The following JAM2 variants were observed in gnomAD, a reference collection of about 807,000 sequenced individuals.
JAM2 encodes the protein junctional adhesion molecule B.
A neutral mutation model predicts 42.0 loss-of-function variants in JAM2; 17 were observed. The observed-to-expected ratio is 0.40, with a 90% CI of 0.28 to 0.61. The LOEUF (loss-of-function observed/expected upper bound fraction) is 0.61, where lower values mean the gene tolerates loss of function less well. JAM2 is among the 20% of genes least tolerant of loss of function. The pLI, the probability that JAM2 is intolerant of heterozygous loss-of-function variation, is 0.37. For missense variants in JAM2, 319 were observed against 358.3 expected, an observed-to-expected ratio of 0.89 and a Z score of 0.89; for synonymous variants, 118 against 128.6, an observed-to-expected ratio of 0.92 and a Z score of 0.56.
intron 1 of JAM2, among the ~76,000 whole-genome samples, chr21:25,667,383 A>G (rs2033250230): frequency 6.6e-6 from 1 of 152,162 alleles, no homozygotes; most frequent in African/African-American, 2.4e-5. Flanking sequence ...TACCCACCTC[A>G]TTTTATCTCA....
intron 1 of JAM2, among the ~76,000 whole-genome samples, chr21:25,682,349 T>C (rs773451996): frequency 1.2e-4 from 18 of 152,258 alleles, no homozygotes; most frequent in South Asian, 2.1e-4. Context: ...TCTGATACTT[T>C]CTTCTTTAGT....
At chr21:25,647,890 A>G (rs942117748) in intron 1 of JAM2, among the ~76,000 whole-genome samples, 1 of 152,202 alleles carries the variant, frequency 6.6e-6, no homozygotes, top group African/African-American at 2.4e-5. Flanking sequence ...ATTTGAAAAG[A>G]GAGAATGGTG....
At chr21:25,702,057 A>G (rs2034176997) in intron 5 of JAM2, 113 bp from the exon 6 acceptor site, 1 of 511,898 alleles carries the variant, frequency 2.0e-6, no homozygotes, top group Non-Finnish European at 3.3e-6. Flanking sequence ...AAAGTCCCAA[A>G]TTTTTAAAAA....
intron 1 of JAM2, among the ~76,000 whole-genome samples, chr21:25,658,583 C>G (rs574790164): frequency 6.6e-6 from 1 of 151,954 alleles, no homozygotes; most frequent in Non-Finnish European, 1.5e-5. Flanking sequence ...AATGGACAAC[C>G]AACAGAACCA....
intron 2 of JAM2, among the ~76,000 whole-genome samples, chr21:25,684,930 AC>A (rs1462440033): frequency 6.6e-6 from 1 of 152,094 alleles, no homozygotes; most frequent in Non-Finnish European, 1.5e-5. Flanking sequence ...ATCACCTACT[AC>A]TTTTCCAAAG....
At chr21:25,652,019 T>G (rs2032796605) in intron 1 of JAM2, among the ~76,000 whole-genome samples, 1 of 152,216 alleles carries the variant, frequency 6.6e-6, no homozygotes, top group Admixed American at 6.5e-5. Context: ...TTTTGAAATT[T>G]TAAATGTTTT....
chr21:25,667,864 G>C (rs900618198), intron 1 of JAM2, among the ~76,000 whole-genome samples: 1 of 152,074 alleles, frequency 6.6e-6, no homozygotes, highest in Non-Finnish European at 1.5e-5. Flanking sequence ...AGATAATAAT[G>C]CTATTTTCAA....
chr21:25,666,037 C>G (rs530706469), intron 1 of JAM2, among the ~76,000 whole-genome samples: 85 of 152,104 alleles, frequency 5.6e-4, no homozygotes, highest in African/African-American at 1.9e-3. Context: ...GAGACACCAT[C>G]TCAAAAATAA....
chr21:25,655,868 T>G (rs2032924791), intron 1 of JAM2, among the ~76,000 whole-genome samples: 1 of 151,588 alleles, frequency 6.6e-6, no homozygotes, highest in Admixed American at 6.6e-5. Context: ...TATGTTTGAA[T>G]AGTCCCTTTT....
rs183692066 is a variant in JAM2 at position 25,683,895 on chromosome 21, A to G, written c.80A>G (p.Tyr27Cys). ...LVVALGYHKAYGFSAPKDQQV... is the reference protein window; with the variant it reads ...LVVALGYHKACGFSAPKDQQV... The stretch of plus-strand genomic sequence containing the variant: ...TTTAATCTTTCAGATCATAAGGCCT[A>G]TGGGTTTTCTGCCCCAAAAGACCAA... Residue 27 changes from tyrosine (Y) to cysteine (C), a missense_variant, in exon 2 of 10, where the codon TAT (tyrosine) becomes TGT (cysteine). Tyr to Cys is a radical substitution (Grantham distance 194, BLOSUM62 -2). Transcript: ENST00000480456. 3 of 1,605,782 alleles carry G rather than the reference A, an allele frequency of 1.9e-6. No homozygotes were observed. In the East Asian group the frequency reaches 6.7e-5, roughly 36 times the overall value.
chr21:25,684,757 G>A (rs1475553537), intron 2 of JAM2, among the ~76,000 whole-genome samples: 1 of 151,934 alleles, frequency 6.6e-6, no homozygotes, highest in Non-Finnish European at 1.5e-5. Context: ...CACCATGTCT[G>A]GCTAATTTTT....
At chr21:25,653,386 G>A (rs778459651) in intron 1 of JAM2, among the ~76,000 whole-genome samples, 1 of 152,148 alleles carries the variant, frequency 6.6e-6, no homozygotes, top group Non-Finnish European at 1.5e-5. Flanking sequence ...AGCCTGGGAC[G>A]GTTTGTTGCC....
intron 1 of JAM2, among the ~76,000 whole-genome samples, chr21:25,660,772 A>ATTTTTT: frequency 1.7e-5 from 1 of 59,240 alleles, no homozygotes; most frequent in South Asian, 6.8e-4. Flanking sequence ...ATATATATAT[A>ATTTTTT]TATATATATA....
chr21:25,684,582 ATTGTTG>A (rs1005305246), intron 2 of JAM2, among the ~76,000 whole-genome samples: 7 of 151,968 alleles, frequency 4.6e-5, no homozygotes, highest in Non-Finnish European at 8.8e-5. Flanking sequence ...ATAAGCTTTC[ATTGTTG>A]TTGTTGTTGT....
At position 25,713,490 on chromosome 21, in the gene JAM2, A is replaced by C. The variant is rs557489350; in HGVS notation, c.864+1108A>C. ...TAAGTCGTTTCTTGAGAAACAAAGC[A>C]TGGGTTCTCAGAAATGCTTTACTCA... On this transcript the variant is annotated intron_variant, in intron 9 of 9. Transcript: ENST00000480456. Among the ~76,000 whole-genome samples the C allele has an allele frequency of 1.0e-4, 13 of 125,610 alleles. No individual in the cohort carries two copies. The East Asian group carries it at 3.3e-3, about 32-fold the overall frequency. 82.4% of individuals were successfully genotyped at this position (125,610 alleles called of 152,430 possible). A position where few individuals can be genotyped will look rare whatever the true frequency, so the allele number is the denominator to read the frequency against.
intron 8 of JAM2, chr21:25,710,269 C>G (rs1213527902): frequency 6.6e-6 from 1 of 152,024 alleles, no homozygotes; most frequent in African/African-American, 2.4e-5. Flanking sequence ...CAATTTTGTG[C>G]CTAACACTGT....
chr21:25,662,213 TA>T (rs1297477857), intron 1 of JAM2, among the ~76,000 whole-genome samples: 1 of 152,154 alleles, frequency 6.6e-6, no homozygotes, highest in Non-Finnish European at 1.5e-5. Context: ...AGTGATACAA[TA>T]AAATTCACTG....
intron 1 of JAM2, among the ~76,000 whole-genome samples, chr21:25,649,208 G>T (rs551554754): frequency 5.3e-4 from 80 of 152,228 alleles, no homozygotes; most frequent in Admixed American, 1.8e-3. Flanking sequence ...CTAGAACAAA[G>T]CACGTATTAG....
intron 4 of JAM2, among the ~76,000 whole-genome samples, chr21:25,694,846 A>AAAT (rs1555870452): frequency 5.9e-5 from 9 of 151,434 alleles, no homozygotes; most frequent in South Asian, 2.1e-4. Context: ...AAAAAAAAAA[A>AAAT]AAATAAAAAG....
Sources: allele counts gnomAD v4.1 joint callset (sites outside exome capture counted in the v4.1 genomes callset), GRCh38; gene constraint gnomAD v4.1.1; transcripts MANE v1.5; gene names NCBI Gene and HGNC (gene_info 2026-07-23, HGNC 2026-07-21).